ADAMTSL1: variants seen among roughly 807,000 people sequenced by gnomAD.
ADAMTSL1 encodes ADAMTS-like protein 1.
Under a neutral mutation model 201.8 loss-of-function variants are expected in ADAMTSL1, and 126 were observed. The observed-to-expected ratio is 0.62, with a 90% CI of 0.54 to 0.72. ADAMTSL1 has a LOEUF of 0.72. ADAMTSL1 is among the 30% of genes least tolerant of loss of function. The probability of loss-of-function intolerance (pLI) is 0.00; values close to 1 mark genes in which losing one functional copy is unlikely to be tolerated. For missense variants in ADAMTSL1, 2,679 were observed against 2,277.8 expected (o/e 1.18, Z -3.59); for synonymous variants, 1,121 against 903.4 (o/e 1.24, Z -4.32).
intron 1 of ADAMTSL1, among the ~76,000 whole-genome samples, chr9:18,029,728 G>C (rs1201072643): frequency 6.6e-6 from 1 of 152,148 alleles, no homozygotes; most frequent in Non-Finnish European, 1.5e-5. Flanking sequence ...CCATCAAAAA[G>C]TGGGTGAAGG....
intron 1 of ADAMTSL1, among the ~76,000 whole-genome samples, chr9:17,948,356 G>A (rs1275895916): frequency 3.9e-5 from 6 of 152,108 alleles, no homozygotes; most frequent in Admixed American, 3.9e-4. Flanking sequence ...ATTTTCCATT[G>A]CTCCAGTTGA....
At chr9:18,656,445 T>C (rs2095101) in intron 7 of ADAMTSL1, among the ~76,000 whole-genome samples, 18,570 of 151,624 alleles carry the variant, frequency 0.12, 1,355 homozygotes, top group Non-Finnish European at 0.16. Flanking sequence ...CTGGCTAACA[T>C]TCTGAAACCC....
At chr9:17,958,636 G>A (rs1317367046) in intron 1 of ADAMTSL1, among the ~76,000 whole-genome samples, 3 of 152,048 alleles carry the variant, frequency 2.0e-5, no homozygotes, top group African/African-American at 4.8e-5. Context: ...TGTGCTTTGT[G>A]TATGACACAT....
chr9:18,600,170 G>A (rs984507242), intron 4 of ADAMTSL1, among the ~76,000 whole-genome samples: 6 of 152,074 alleles, frequency 3.9e-5, no homozygotes, highest in Non-Finnish European at 8.8e-5. Context: ...CTTCTCTGAT[G>A]CTTCCCCAAA....
chr9:18,485,821 A>G (rs1259032258), intron 1 of ADAMTSL1, among the ~76,000 whole-genome samples: 2 of 152,228 alleles, frequency 1.3e-5, no homozygotes, highest in African/African-American at 4.8e-5. Flanking sequence ...TGTTTTAGAA[A>G]GACAGCTGGG....
rs1278144959 is a variant in ADAMTSL1 at position 18,906,688 on chromosome 9, G to A, written c.4962-4G>A. 7 of 1,576,868 alleles carry A rather than the reference G, an allele frequency of 4.4e-6. No individual in the cohort carries two copies. Among genetic ancestry groups the A allele is most frequent in the Non-Finnish European group, 6.0e-6 (7 of 1,160,136 alleles). ...ACCTTAACCCTGCCACCATCCTCCT[G>A]CAGGCCTGTGAGCACCCAGAACTGC... On this transcript the variant is annotated splice_polypyrimidine_tract_variant and splice_region_variant and intron_variant, in intron 27 of 28. Coordinates refer to ENST00000380548, the MANE Select transcript of ADAMTSL1 (RefSeq NM_001040272.6).
chr9:18,814,077 C>T (rs1474501323), intron 20 of ADAMTSL1, among the ~76,000 whole-genome samples: 2 of 152,292 alleles, frequency 1.3e-5, no homozygotes, highest in South Asian at 2.1e-4. Flanking sequence ...AATAGCCATT[C>T]TAACTGGGGT....
chr9:18,560,206 C>A (rs1587563364), intron 3 of ADAMTSL1, among the ~76,000 whole-genome samples: 1 of 151,938 alleles, frequency 6.6e-6, no homozygotes, highest in Admixed American at 6.6e-5. Flanking sequence ...TTATTGAGAG[C>A]TTTTAGCATG....
At chr9:18,119,289 T>A (rs1031816466) in intron 1 of ADAMTSL1, among the ~76,000 whole-genome samples, 35 of 152,088 alleles carry the variant, frequency 2.3e-4, no homozygotes, top group African/African-American at 6.8e-4. Context: ...TGAATATTTT[T>A]TTTTTATTTT....
chr9:18,434,541 G>A (rs1259631413), intron 2 of ADAMTSL1, among the ~76,000 whole-genome samples: 4 of 152,118 alleles, frequency 2.6e-5, no homozygotes, highest in Non-Finnish European at 4.4e-5. Context: ...AAAAGAAAAT[G>A]TTCAAGAGTA....
Position 18,852,177 on chromosome 9 carries a change from C to T in ADAMTSL1, c.4249+22200C>T, listed in dbSNP as rs75857322. Among the ~76,000 whole-genome samples the T allele has an allele frequency of 4.1e-3, 619 of 152,298 alleles. 4 individuals are homozygous for T. The highest frequency in any genetic ancestry group is 0.014 in the African/African-American group (591 of 41,554). On this transcript the variant is annotated intron_variant, in intron 23 of 28. Coordinates refer to ENST00000380548, the MANE Select transcript of ADAMTSL1 (RefSeq NM_001040272.6). ...TAGCACTGTAGTTGGGAGCAGCCTCCGGAGCCAGAATGCCTGGCTCTGCCA... is the reference window on the plus strand; with the variant it reads ...TAGCACTGTAGTTGGGAGCAGCCTCTGGAGCCAGAATGCCTGGCTCTGCCA...
chr9:18,687,709 A>G (rs1830919669), intron 13 of ADAMTSL1, among the ~76,000 whole-genome samples: 1 of 152,246 alleles, frequency 6.6e-6, no homozygotes, highest in South Asian at 2.1e-4. Context: ...CCAAAATGTA[A>G]GGACAAGATT....
At chr9:18,735,574 G>A (rs1818452850) in intron 15 of ADAMTSL1, among the ~76,000 whole-genome samples, 1 of 152,064 alleles carries the variant, frequency 6.6e-6, no homozygotes, top group Non-Finnish European at 1.5e-5. Flanking sequence ...AAGTTGTTTT[G>A]AAGTTTAAAG....
chr9:18,011,335 C>T (rs1388193719), intron 1 of ADAMTSL1, among the ~76,000 whole-genome samples: 1 of 151,966 alleles, frequency 6.6e-6, no homozygotes, highest in South Asian at 2.1e-4. Context: ...GAAAAATGTT[C>T]AACTTAAATA....
intron 2 of ADAMTSL1, among the ~76,000 whole-genome samples, chr9:18,169,467 T>C (rs1263069323): frequency 1.3e-5 from 2 of 152,112 alleles, no homozygotes; most frequent in Admixed American, 1.3e-4. Context: ...AGGGCTCTGT[T>C]GTGTTCCATT....
intron 2 of ADAMTSL1, among the ~76,000 whole-genome samples, chr9:18,310,967 G>C (rs1376577536): frequency 6.6e-6 from 1 of 152,046 alleles, no homozygotes; most frequent in Non-Finnish European, 1.5e-5. Context: ...ATGCCCATCA[G>C]TGATAGACTG....
chr9:18,726,436 G>C (rs1817898258), intron 15 of ADAMTSL1, among the ~76,000 whole-genome samples: 1 of 151,924 alleles, frequency 6.6e-6, no homozygotes, highest in South Asian at 2.1e-4. Flanking sequence ...ACTGAACCCA[G>C]GGATGTCAAG....
Position 18,216,648 on chromosome 9 carries a change from CTT to C in ADAMTSL1, c.207+52684_207+52685del, listed in dbSNP as rs5896775. 3.2e-3 allele frequency among the ~76,000 whole-genome samples: 427 copies of C among 133,934 alleles called. 1 individual carries two copies. Among genetic ancestry groups the C allele is most frequent in the East Asian group, 0.019 (84 of 4,438 alleles). 87.9% of individuals were successfully genotyped at this position (133,934 alleles called of 152,430 possible). A position where few individuals can be genotyped will look rare whatever the true frequency, so the allele number is the denominator to read the frequency against. The stretch of plus-strand genomic sequence containing the variant: ...GCAGTGACATACAACTCTTGCTCTC[CTT>C]TTTTTTTTTTTTTTTTCCTTTTCTT... On this transcript the variant is annotated intron_variant, in intron 2 of 29. Coordinates refer to the ADAMTSL1 transcript ENST00000680146.
chr9:17,913,424 T>A (rs1825967851), intron 1 of ADAMTSL1, among the ~76,000 whole-genome samples: 1 of 152,184 alleles, frequency 6.6e-6, no homozygotes, highest in Non-Finnish European at 1.5e-5. Flanking sequence ...CCCTTGTAAG[T>A]TGGATTCCTA....
Sources: allele counts gnomAD v4.1 joint callset (sites outside exome capture counted in the v4.1 genomes callset), GRCh38; gene constraint gnomAD v4.1.1; transcripts MANE v1.5; gene names NCBI Gene and HGNC (gene_info 2026-07-23, HGNC 2026-07-21).